Variants in ANKHD1 observed in about 807,000 individuals in gnomAD.
The protein encoded by ANKHD1 is ankyrin repeat and KH domain containing 1.
ANKHD1 carries 31 observed loss-of-function variants against 230.5 expected under a neutral mutation model. The ratio of observed to expected loss-of-function variants is 0.13; its 90% CI spans 0.10 to 0.18. The LOEUF (loss-of-function observed/expected upper bound fraction) is 0.18, where lower values mean the gene tolerates loss of function less well. Ranked by LOEUF, ANKHD1 falls within the 10% of genes least tolerant of loss-of-function variation. ANKHD1 has a pLI of 1.00. For missense variants in ANKHD1, 2,256 were observed against 3,071.3 expected, an observed-to-expected ratio of 0.73 and a Z score of 6.27; for synonymous variants, 1,074 against 1,117.6, an observed-to-expected ratio of 0.96 and a Z score of 0.78.
chr5:140,438,177 TAGAC>T (rs1438968656), intron 2 of ANKHD1, among the ~76,000 whole-genome samples: 3 of 152,194 alleles, frequency 2.0e-5, no homozygotes, highest in Non-Finnish European at 2.9e-5. Context: ...ATTTATTTGA[TAGAC>T]AGCCTCATAT....
intron 6 of ANKHD1, among the ~76,000 whole-genome samples, chr5:140,447,055 G>A (rs1407934771): frequency 6.6e-6 from 1 of 151,958 alleles, no homozygotes; most frequent in East Asian, 1.9e-4. Flanking sequence ...TATTACAGGT[G>A]CATGCCACAT....
chr5:140,522,550 A>G (rs2127079480), intron 24 of ANKHD1, among the ~76,000 whole-genome samples: 1 of 152,126 alleles, frequency 6.6e-6, no homozygotes. Flanking sequence ...AAATATTTTC[A>G]TGTTAAGCTA....
chr5:140,417,743 T>C (rs1771514143), intron 1 of ANKHD1, among the ~76,000 whole-genome samples: 2 of 148,878 alleles, frequency 1.3e-5, no homozygotes, highest in South Asian at 4.3e-4. Flanking sequence ...CATGCGCCAC[T>C]GCACCCAACC....
chr5:140,466,182 A>G (rs980127846), intron 10 of ANKHD1, among the ~76,000 whole-genome samples: 1 of 152,120 alleles, frequency 6.6e-6, no homozygotes, highest in Non-Finnish European at 1.5e-5. Context: ...ACCTGAGGTC[A>G]GGTGTTAAAG....
chr5:140,461,483 C>CTA (rs1775700352), intron 9 of ANKHD1, among the ~76,000 whole-genome samples: 1 of 151,984 alleles, frequency 6.6e-6, no homozygotes, highest in African/African-American at 2.4e-5. Context: ...CAAATAAGGC[C>CTA]TATACAATTA....
Position 140,524,230 on chromosome 5 carries a change from T to G in ANKHD1, c.4482T>G (p.Asn1494Lys), listed in dbSNP as rs758405574. ...CAGAGGATGAAGATGAAGAGGAGAA[T>G]GATGAAGATGGTGAGAAACAAACCA... ...ELPEDEDEEE[N>K]DEDVEQEVPI... The change falls in exon 25 of 34, where the codon AAT becomes AAG. Residue 1494 changes from asparagine to lysine, a missense_variant. Coordinates refer to ENST00000360839, the MANE Select transcript of ANKHD1 (RefSeq NM_017747.3). The G allele has an allele frequency of 6.4e-7, 1 of 1,568,974 alleles. No individual in the cohort carries two copies. The highest frequency in any genetic ancestry group is 8.6e-7 in the Non-Finnish European group (1 of 1,168,154).
rs758104532 is a variant in ANKHD1 at position 140,529,438 on chromosome 5, A to G, written c.6492A>G (p.Pro2164=). The G allele has an allele frequency of 6.2e-7, 1 of 1,614,212 alleles. No homozygotes were observed. Among genetic ancestry groups the G allele is most frequent in the Non-Finnish European group, 8.5e-7 (1 of 1,180,040 alleles). The change falls in exon 29 of 34, where the codon CCA becomes CCG. Residue 2164 remains proline, a synonymous_variant. Coordinates refer to ENST00000360839, the MANE Select transcript of ANKHD1 (RefSeq NM_017747.3). ...CCCAGTCTATTTTTGTTACGAATCC[A>G]GTTACTTTAACACCACCTCAAGGCC... The part of the protein sequence containing the change: ...QDPQSIFVTN[P]VTLTPPQGPP...
intron 10 of ANKHD1, among the ~76,000 whole-genome samples, chr5:140,468,235 G>C (rs1162811285): frequency 6.8e-6 from 1 of 147,274 alleles, no homozygotes; most frequent in Non-Finnish European, 1.5e-5. Context: ...CTAAAATCCA[G>C]CCTGGGTGAC....
intron 29 of ANKHD1, chr5:140,532,784 TCC>T (rs34037419): frequency 2.3e-6 from 1 of 429,250 alleles, no homozygotes; most frequent in Non-Finnish European, 4.6e-6. Context: ...TACATTTAGG[TCC>T]CCAAAATGCA....
At position 140,535,668 on chromosome 5, in the gene ANKHD1, G is replaced by A. The variant is rs968268615; in HGVS notation, c.7027+130G>A. Reference sequence around the variant, plus strand: ...ACAGATGCCCAAGGTTTGTTCTGTGGTCATGTGAAAAAATTGTCAGTCATT... The same window carrying A: ...ACAGATGCCCAAGGTTTGTTCTGTGATCATGTGAAAAAATTGTCAGTCATT... On this transcript the variant is annotated intron_variant, in intron 30 of 33. Coordinates refer to ENST00000360839, the MANE Select transcript of ANKHD1 (RefSeq NM_017747.3). 15 of 1,238,630 alleles carry A rather than the reference G, an allele frequency of 1.2e-5. No homozygotes were observed. The African/African-American group carries it at 2.0e-4, about 17-fold the overall frequency. 76.7% of individuals were successfully genotyped at this position (1,238,630 alleles called of 1,614,324 possible).
chr5:140,424,325 C>G lies in ANKHD1; in HGVS notation c.307-11779C>G, dbSNP rs559341877. Among the ~76,000 whole-genome samples, 3 of 152,144 alleles carry G rather than the reference C, an allele frequency of 2.0e-5. No individual in the cohort carries two copies. In the South Asian group the frequency reaches 6.2e-4, roughly 32 times the overall value. ...TCTAGACAATATCTTGTTCTGTCAT[C>G]CAGGCTGGAATGCAGTGGCTTGATC... On this transcript the variant is annotated intron_variant, in intron 1 of 33. Transcript: ENST00000360839.
chr5:140,472,148 C>A, intron 10 of ANKHD1: 1 of 1,008,262 alleles, frequency 9.9e-7, no homozygotes, highest in South Asian at 1.4e-5. Flanking sequence ...CAAAGCCCAC[C>A]ATCTGAAGTA....
At chr5:140,409,284 T>C (rs1182940019) in intron 1 of ANKHD1, among the ~76,000 whole-genome samples, 1 of 152,212 alleles carries the variant, frequency 6.6e-6, no homozygotes, top group East Asian at 1.9e-4. Context: ...TGCACTGCTG[T>C]AAATTTTCTA....
At chr5:140,497,656 A>G (rs778824960) in intron 15 of ANKHD1, among the ~76,000 whole-genome samples, 1 of 152,140 alleles carries the variant, frequency 6.6e-6, no homozygotes, top group Non-Finnish European at 1.5e-5. Context: ...GTTGATTTTC[A>G]TGTCTGGAAA....
At chr5:140,457,036 G>A (rs1259444726) in intron 7 of ANKHD1, among the ~76,000 whole-genome samples, 1 of 152,070 alleles carries the variant, frequency 6.6e-6, no homozygotes, top group Non-Finnish European at 1.5e-5. Context: ...ATCAAAAAGT[G>A]GACAAAGGAT....
intron 1 of ANKHD1, among the ~76,000 whole-genome samples, chr5:140,427,138 G>A (rs1772502471): frequency 6.6e-6 from 1 of 151,258 alleles, no homozygotes; most frequent in East Asian, 2.0e-4. Context: ...GGCTGGCCGG[G>A]CAGGGGGCTG....
chr5:140,506,885 A>G lies in ANKHD1; in HGVS notation c.3459A>G (p.Val1153=). The G allele has an allele frequency of 2.5e-6, 4 of 1,614,176 alleles. No homozygotes were observed. Among genetic ancestry groups the G allele is most frequent in the Non-Finnish European group, 3.4e-6 (4 of 1,180,020 alleles). Residue 1153 remains valine, a synonymous_variant, in exon 19 of 34, where the codon GTA becomes GTG. Transcript: ENST00000360839. This position sits in a 1 kb window ranked among gnomAD's most constrained non-coding sequence, Gnocchi z 4.7. Reference sequence around the variant, plus strand: ...GTGCAAATAAAGAACATAGGAACGTATCTGATTATACACCACTGAGTCTAG... The same window carrying G: ...GTGCAAATAAAGAACATAGGAACGTGTCTGATTATACACCACTGAGTCTAG... The part of the protein sequence containing the change: ...ARGANKEHRN[V]SDYTPLSLAA...
chr5:140,503,518 T>A (rs1436215203), intron 15 of ANKHD1, among the ~76,000 whole-genome samples: 2 of 146,624 alleles, frequency 1.4e-5, no homozygotes, highest in African/African-American at 5.0e-5. Flanking sequence ...TTCAGAGATA[T>A]AAAATACATA....
At chr5:140,412,843 G>A (rs1771050375) in intron 1 of ANKHD1, among the ~76,000 whole-genome samples, 1 of 152,182 alleles carries the variant, frequency 6.6e-6, no homozygotes, top group Non-Finnish European at 1.5e-5. Flanking sequence ...ACCTAAACCA[G>A]GAAGAAAGTA....
Sources: allele counts gnomAD v4.1 joint callset (sites outside exome capture counted in the v4.1 genomes callset), GRCh38; gene constraint gnomAD v4.1.1; non-coding constraint Gnocchi (gnomAD v3.1); transcripts MANE v1.5; gene names NCBI Gene and HGNC (gene_info 2026-07-23, HGNC 2026-07-21).